TPST1: variants seen among roughly 807,000 people sequenced by gnomAD.
TPST1 encodes tyrosylprotein sulfotransferase 1.
A neutral mutation model predicts 34.8 loss-of-function variants in TPST1; 20 were observed. The ratio of observed to expected loss-of-function variants is 0.57; its 90% CI spans 0.40 to 0.84. The LOEUF (loss-of-function observed/expected upper bound fraction) is 0.84, where lower values mean the gene tolerates loss of function less well. Ranked by LOEUF, TPST1 falls within the 40% of genes least tolerant of loss-of-function variation. The pLI, the probability that TPST1 is intolerant of heterozygous loss-of-function variation, is 0.00. For missense variants in TPST1, 353 were observed against 455.5 expected (o/e 0.78, Z 2.05); for synonymous variants, 152 against 159.4 (o/e 0.95, Z 0.35).
intron 3 of TPST1, among the ~76,000 whole-genome samples, chr7:66,316,720 A>G (rs951352035): frequency 6.6e-6 from 1 of 152,256 alleles, no homozygotes; most frequent in Non-Finnish European, 1.5e-5. Context: ...GCTAAATAAA[A>G]TACAGGATGC....
intron 3 of TPST1, among the ~76,000 whole-genome samples, chr7:66,343,503 A>G (rs957677282): frequency 6.6e-6 from 1 of 152,184 alleles, no homozygotes. Flanking sequence ...AGACGTCAGC[A>G]TCACACAAAA....
At chr7:66,264,789 T>C (rs1482836582) in intron 2 of TPST1, among the ~76,000 whole-genome samples, 1 of 152,046 alleles carries the variant, frequency 6.6e-6, no homozygotes, top group African/African-American at 2.4e-5. Flanking sequence ...AAAAAAGCCA[T>C]GAATAGAAAT....
intron 2 of TPST1, among the ~76,000 whole-genome samples, chr7:66,256,380 G>C (rs1790383938): frequency 6.6e-6 from 1 of 152,170 alleles, no homozygotes; most frequent in Non-Finnish European, 1.5e-5. Flanking sequence ...AAGTTTCTGT[G>C]TGTCAGGAAT....
At chr7:66,226,655 T>G (rs1203176355) in intron 1 of TPST1, among the ~76,000 whole-genome samples, 1 of 152,212 alleles carries the variant, frequency 6.6e-6, no homozygotes, top group Non-Finnish European at 1.5e-5. Context: ...CCCCTATTAA[T>G]TAACGTACAT....
At chr7:66,227,159 A>C (rs1789676164) in intron 1 of TPST1, among the ~76,000 whole-genome samples, 1 of 146,422 alleles carries the variant, frequency 6.8e-6, no homozygotes. Context: ...CAGCCTCCCG[A>C]GTAGCTGGGA....
intron 1 of TPST1, among the ~76,000 whole-genome samples, chr7:66,206,725 A>G (rs1412848924): frequency 2.0e-5 from 3 of 152,138 alleles, no homozygotes; most frequent in Non-Finnish European, 4.4e-5. Context: ...CCTCCCAGCT[A>G]AAGTGGCATA....
chr7:66,216,535 T>C (rs1447040272), intron 1 of TPST1, among the ~76,000 whole-genome samples: 1 of 151,930 alleles, frequency 6.6e-6, no homozygotes, highest in Non-Finnish European at 1.5e-5. Context: ...AGTGGCGCGA[T>C]CTTGGCTCAC....
intron 5 of TPST1, 29 bp from the exon 6 acceptor site, chr7:66,359,866 T>C (rs1286836985): frequency 2.2e-6 from 1 of 456,576 alleles, no homozygotes; most frequent in East Asian, 6.9e-5. Flanking sequence ...ACTCCACACC[T>C]GTAACCACAT....
chr7:66,328,886 CTATATA>C (rs1554354127), intron 3 of TPST1, among the ~76,000 whole-genome samples: 2 of 22,096 alleles, frequency 9.1e-5, no homozygotes, highest in Non-Finnish European at 1.5e-4. Flanking sequence ...CTCTCTCTCT[CTATATA>C]TATATATATA....
intron 1 of TPST1, among the ~76,000 whole-genome samples, chr7:66,225,077 C>CT (rs1482744874): frequency 6.6e-6 from 1 of 151,268 alleles, no homozygotes; most frequent in Non-Finnish European, 1.5e-5. Flanking sequence ...GCCACCACGC[C>CT]TGGCTAATTT....
intron 2 of TPST1, among the ~76,000 whole-genome samples, chr7:66,250,253 T>C (rs1790235884): frequency 6.6e-6 from 1 of 152,226 alleles, no homozygotes; most frequent in East Asian, 1.9e-4. Context: ...ATTTTATAGA[T>C]GAGGGACTTG....
intron 1 of TPST1, among the ~76,000 whole-genome samples, chr7:66,237,609 A>C (rs1484867619): frequency 6.6e-6 from 1 of 152,192 alleles, no homozygotes; most frequent in Non-Finnish European, 1.5e-5. Flanking sequence ...CAGAAAAACA[A>C]CCAGTAGTCA....
chr7:66,243,168 T>TG (rs1473039548), intron 2 of TPST1, among the ~76,000 whole-genome samples: 20 of 142,784 alleles, frequency 1.4e-4, no homozygotes, highest in African/African-American at 2.7e-4. Flanking sequence ...TGTGTGTGTG[T>TG]TTGTGTGTGT....
chr7:66,338,498 A>G (rs1304074539), intron 3 of TPST1, among the ~76,000 whole-genome samples: 1 of 152,228 alleles, frequency 6.6e-6, no homozygotes, highest in Non-Finnish European at 1.5e-5. Flanking sequence ...TATTTACAGA[A>G]CATTCCATCC....
At chr7:66,225,525 T>C (rs1255732754) in intron 1 of TPST1, among the ~76,000 whole-genome samples, 1 of 152,068 alleles carries the variant, frequency 6.6e-6, no homozygotes, top group Non-Finnish European at 1.5e-5. Flanking sequence ...GGCAGGAGAA[T>C]CACTTGAACC....
chr7:66,212,677 C>T (rs1355021339), intron 1 of TPST1, among the ~76,000 whole-genome samples: 1 of 152,108 alleles, frequency 6.6e-6, no homozygotes, highest in Admixed American at 6.6e-5. Context: ...CCAGGCTGGT[C>T]TCGAACGCCT....
At chr7:66,321,763 A>C (rs1345297723) in intron 3 of TPST1, among the ~76,000 whole-genome samples, 1 of 152,244 alleles carries the variant, frequency 6.6e-6, no homozygotes, top group Non-Finnish European at 1.5e-5. Context: ...TTAATCTTCT[A>C]AAATTGTAAT....
chr7:66,225,745 C>T (rs1182702550), intron 1 of TPST1, among the ~76,000 whole-genome samples: 2 of 152,248 alleles, frequency 1.3e-5, no homozygotes, highest in Non-Finnish European at 2.9e-5. Context: ...CCAGCTTTTA[C>T]TGTACTTCTT....
Position 66,266,456 on chromosome 7 carries a change from A to G in TPST1, c.846-20055A>G, listed in dbSNP as rs547006036. 2.6e-5 allele frequency among the ~76,000 whole-genome samples: 4 copies of G among 152,354 alleles called. 1 individual carries two copies. In the South Asian group the frequency reaches 8.3e-4, roughly 32 times the overall value. On this transcript the variant is annotated intron_variant, in intron 2 of 5. Coordinates refer to ENST00000304842, the MANE Select transcript of TPST1 (RefSeq NM_003596.4). Reference sequence around the variant, plus strand: ...ACTAGTATAACCATTTGGGGAAACTATATATTATGGCTACTTAGCAAAACA... The same window carrying G: ...ACTAGTATAACCATTTGGGGAAACTGTATATTATGGCTACTTAGCAAAACA...
Sources: allele counts gnomAD v4.1 joint callset (sites outside exome capture counted in the v4.1 genomes callset), GRCh38; gene constraint gnomAD v4.1.1; transcripts MANE v1.5; gene names NCBI Gene and HGNC (gene_info 2026-07-23, HGNC 2026-07-21).